The following TMEM130 variants were observed in gnomAD, a reference collection of about 807,000 sequenced individuals.
TMEM130 encodes the protein transmembrane protein 130.
Under a neutral mutation model 42.9 loss-of-function variants are expected in TMEM130, and 37 were observed. The ratio of observed to expected loss-of-function variants is 0.86; its 90% CI spans 0.66 to 1.13. The LOEUF is 1.13. TMEM130 is among the 50% of genes most tolerant of loss of function. The probability of loss-of-function intolerance (pLI) is 0.00; values close to 1 mark genes in which losing one functional copy is unlikely to be tolerated. For missense variants in TMEM130, 545 were observed against 562.6 expected (o/e 0.97, Z 0.32); for synonymous variants, 259 against 237.7 (o/e 1.09, Z -0.82).
chr7:98,869,094 T>C lies in TMEM130; in HGVS notation c.85+683A>G. The C allele has an allele frequency of 1.8e-6, 2 of 1,083,620 alleles. No homozygotes were observed. Among genetic ancestry groups the C allele is most frequent in the Non-Finnish European group, 2.4e-6 (2 of 837,262 alleles). The allele number at this position is 1,083,620 out of a possible 1,614,324, so 67.1% of individuals were successfully genotyped here. A position where few individuals can be genotyped will look rare whatever the true frequency, so the allele number is the denominator to read the frequency against. ...GAATAGTCTTAAATCTGGGTCCTTT[T>C]ATGGTTCCCAAAATGTGGCAGAGAG... On this transcript the variant is annotated intron_variant, in intron 1 of 7. Coordinates refer to ENST00000339375, the MANE Select transcript of TMEM130 (RefSeq NM_152913.3). The surrounding 1 kb of genome is among the most constrained non-coding windows in gnomAD (Gnocchi z 4.7).
At chr7:98,862,960 G>A (rs552984138) in intron 2 of TMEM130, 135 bp downstream of exon 2, 110 of 966,456 alleles carry the variant, frequency 1.1e-4, no homozygotes, top group Admixed American at 2.1e-4. Flanking sequence ...CGACTGACCC[G>A]GGGAAGGAAC....
At chr7:98,859,732 ATTAAT>A (rs1165054772) in intron 3 of TMEM130, among the ~76,000 whole-genome samples, 17 of 149,504 alleles carry the variant, frequency 1.1e-4, no homozygotes, top group African/African-American at 4.2e-4. Flanking sequence ...AAATAAATAA[ATTAAT>A]TAATTAATTA....
Position 98,869,401 on chromosome 7 carries a change from C to A in TMEM130, c.85+376G>T. 1 of 1,196,822 alleles carries A rather than the reference C, an allele frequency of 8.4e-7. No individual in the cohort carries two copies. The highest frequency in any genetic ancestry group is 1.0e-6 in the Non-Finnish European group (1 of 952,642). The allele number at this position is 1,196,822 out of a possible 1,614,324, so 74.1% of individuals were successfully genotyped here. On this transcript the variant is annotated intron_variant, in intron 1 of 7. Coordinates refer to ENST00000339375, the MANE Select transcript of TMEM130 (RefSeq NM_152913.3). The surrounding 1 kb of genome is among the most constrained non-coding windows in gnomAD (Gnocchi z 4.7). ...TCCCTGGGGGACTGGGGAATTGTGG[C>A]GCGATGACGGACCCTGGCGCATCCC...
chr7:98,857,979 T>G (rs1794673790), intron 3 of TMEM130, among the ~76,000 whole-genome samples: 1 of 151,752 alleles, frequency 6.6e-6, no homozygotes. Flanking sequence ...TGACCTCAAG[T>G]GATCCATCCA....
At chr7:98,862,306 A>AAG (rs1554399892) in intron 2 of TMEM130, among the ~76,000 whole-genome samples, 1 of 138,756 alleles carries the variant, frequency 7.2e-6, no homozygotes, top group Non-Finnish European at 1.5e-5. Flanking sequence ...GAAAGAGACA[A>AAG]AGAGACAGAG....
chr7:98,859,354 C>T (rs1295579656), intron 3 of TMEM130, among the ~76,000 whole-genome samples: 1 of 152,146 alleles, frequency 6.6e-6, no homozygotes, highest in East Asian at 1.9e-4. Context: ...ACCTCGTATC[C>T]ACCAAGGGTT....
Position 98,869,646 on chromosome 7 carries a change from G to A in TMEM130, c.85+131C>T, listed in dbSNP as rs1199686164. On this transcript the variant is annotated intron_variant, in intron 1 of 7. Transcript: ENST00000339375. The surrounding 1 kb of genome is among the most constrained non-coding windows in gnomAD (Gnocchi z 4.7). Reference sequence around the variant, plus strand: ...GGGCGCTGCAGTGGCCTCAGCCGAGGAGGGAGATGCGCGCAGGGCGCACGG... The same window carrying A: ...GGGCGCTGCAGTGGCCTCAGCCGAGAAGGGAGATGCGCGCAGGGCGCACGG... 9.9e-6 allele frequency: 7 copies of A among 710,230 alleles called. 1 individual carries two copies. The African/African-American group carries it at 1.1e-4, about 11-fold the overall frequency. 44.0% of individuals were successfully genotyped at this position (710,230 alleles called of 1,614,324 possible). A position where few individuals can be genotyped will look rare whatever the true frequency, so the allele number is the denominator to read the frequency against.
rs57165730 is a variant in TMEM130 at position 98,862,487 on chromosome 7, C to CTTT, written c.391+605_391+607dup. On this transcript the variant is annotated intron_variant, in intron 2 of 7. Coordinates refer to ENST00000339375, the MANE Select transcript of TMEM130 (RefSeq NM_152913.3). ...ACTGGCCCCAAGACTACAATAATTT[C>CTTT]TTTTTTTTTTTTTTTTTTTTTTTTT... Among the ~76,000 whole-genome samples, 94 of 65,790 alleles carry CTTT rather than the reference C, an allele frequency of 1.4e-3. 10 individuals carry two copies. The highest frequency in any genetic ancestry group is 5.0e-3 in the African/African-American group (91 of 18,190). 43.2% of individuals were successfully genotyped at this position (65,790 alleles called of 152,430 possible). A position where few individuals can be genotyped will look rare whatever the true frequency, so the allele number is the denominator to read the frequency against.
In TMEM130 at chr7:98,851,477, G is replaced by A. The variant is rs1554398206; in HGVS notation, c.950C>T (p.Ala317Val). 6.2e-7 allele frequency: 1 copy of A among 1,613,960 alleles called. No individual in the cohort carries two copies. Among genetic ancestry groups the A allele is most frequent in the African/African-American group, 1.3e-5 (1 of 74,864 alleles). ...ATGTGTCTTGCTGATGATATTCTCG[G>A]CCCGGATGCTGAAGCAGTAGTCCCC... ...DPGDYCFSIR[A>V]ENIISKTHQY... The change falls in exon 6 of 8, where the codon GCC (alanine) becomes GTC (valine). Residue 317 changes from alanine (A) to valine (V), a missense_variant. By Grantham distance (64) the Ala-to-Val change is moderately conservative. Coordinates refer to ENST00000339375, the MANE Select transcript of TMEM130 (RefSeq NM_152913.3).
intron 3 of TMEM130, among the ~76,000 whole-genome samples, chr7:98,859,726 A>T (rs575288449): frequency 2.5e-4 from 38 of 150,786 alleles, no homozygotes; most frequent in Middle Eastern, 3.4e-3. Context: ...AAATATAAAT[A>T]AATAAATTAA....
intron 5 of TMEM130, among the ~76,000 whole-genome samples, chr7:98,854,722 G>A (rs1276313365): frequency 6.6e-6 from 1 of 152,102 alleles, no homozygotes; most frequent in Non-Finnish European, 1.5e-5. Flanking sequence ...GGGTGACAGG[G>A]TGAAACTCTG....
At chr7:98,855,014 C>T (rs1293178536) in intron 5 of TMEM130, among the ~76,000 whole-genome samples, 1 of 152,080 alleles carries the variant, frequency 6.6e-6, no homozygotes, top group African/African-American at 2.4e-5. Flanking sequence ...CCAGCCTGGG[C>T]GAAAGAGCGA....
At position 98,860,011 on chromosome 7, in the gene TMEM130, G is replaced by A. The variant is rs542859469; in HGVS notation, c.551+168C>T. Among the ~76,000 whole-genome samples, 304 of 151,744 alleles carry A rather than the reference G, an allele frequency of 2.0e-3. 1 individual carries two copies. Among genetic ancestry groups the A allele is most frequent in the Non-Finnish European group, 3.4e-3 (230 of 67,970 alleles). ...TTGAACCCAGGAGGAAGAGGTTGCA[G>A]TGAGCCAAGATGGTACTACTGCACT... is the stretch of plus-strand genomic sequence containing the variant. On this transcript the variant is annotated intron_variant, in intron 3 of 7. Transcript: ENST00000339375.
Position 98,869,906 on chromosome 7 carries a change from A to C in TMEM130, c.-45T>G, listed in dbSNP as rs1554401132. On this transcript the variant is annotated 5_prime_UTR_variant, in exon 1 of 8. Transcript: ENST00000339375. The surrounding 1 kb of genome is among the most constrained non-coding windows in gnomAD (Gnocchi z 4.7). ...GAAGCGTGGGGCGGACGCGGAGGGAATGCAGCTGGAGCTCGAGAACTGCGG... is the reference window on the plus strand; with the variant it reads ...GAAGCGTGGGGCGGACGCGGAGGGACTGCAGCTGGAGCTCGAGAACTGCGG... 2 of 1,265,810 alleles carry C rather than the reference A, an allele frequency of 1.6e-6. No individual in the cohort carries two copies. Among genetic ancestry groups the C allele is most frequent in the Non-Finnish European group, 2.0e-6 (2 of 992,174 alleles). 78.4% of individuals were successfully genotyped at this position (1,265,810 alleles called of 1,614,324 possible).
chr7:98,848,510 C>A, intron 7 of TMEM130, 73 bp downstream of exon 7: 1 of 1,120,250 alleles, frequency 8.9e-7, no homozygotes, highest in Non-Finnish European at 1.4e-6. Context: ...CCTGGCCTGG[C>A]CCCCATACCC....
intron 5 of TMEM130, among the ~76,000 whole-genome samples, chr7:98,851,981 C>G (rs1794518509): frequency 6.6e-6 from 1 of 152,138 alleles, no homozygotes; most frequent in South Asian, 2.1e-4. Context: ...GGGACTCACT[C>G]TATTACCCAG....
Position 98,869,716 on chromosome 7 carries a change from G to T in TMEM130, c.85+61C>A. On this transcript the variant is annotated intron_variant, in intron 1 of 7. Coordinates refer to ENST00000339375, the MANE Select transcript of TMEM130 (RefSeq NM_152913.3). This position sits in a 1 kb window ranked among gnomAD's most constrained non-coding sequence, Gnocchi z 4.7. ...GCTCCCGGGCCCACTCGCCCGCTGA[G>T]ACGGTTCCAGGCCCCGGGCGGGCTG... The T allele has an allele frequency of 7.9e-7, 1 of 1,258,676 alleles. No homozygotes were observed. Among genetic ancestry groups the T allele is most frequent in the Non-Finnish European group, 1.0e-6 (1 of 973,202 alleles). The allele number at this position is 1,258,676 out of a possible 1,614,324, so 78.0% of individuals were successfully genotyped here.
Position 98,863,180 on chromosome 7 carries a change from T to C in TMEM130, c.306A>G (p.Glu102=). 3 of 1,614,100 alleles carry C rather than the reference T, an allele frequency of 1.9e-6. No individual in the cohort carries two copies. The highest frequency in any genetic ancestry group is 2.5e-6 in the Non-Finnish European group (3 of 1,180,018). ...TIRVVGHVPG[E]FPVSVWVTAA... ...CAGTGACCCAGACAGAGACCGGGAA[T>C]TCCCCGGGCACGTGGCCGACCACAC... Residue 102 remains glutamate (E), a synonymous_variant, in exon 2 of 8, where the codon GAA becomes GAG. Coordinates refer to ENST00000339375, the MANE Select transcript of TMEM130 (RefSeq NM_152913.3).
At chr7:98,868,182 T>C (rs782511887) in intron 1 of TMEM130, among the ~76,000 whole-genome samples, 1 of 152,220 alleles carries the variant, frequency 6.6e-6, no homozygotes, top group Non-Finnish European at 1.5e-5. Flanking sequence ...TGAGCCAAGA[T>C]TGTGCCACTG....
Sources: gnomAD v4.1 joint callset for allele counts (sites outside exome capture counted in the v4.1 genomes callset) on GRCh38, gnomAD v4.1.1 for gene constraint, Gnocchi (gnomAD v3.1) non-coding constraint, MANE v1.5 for transcripts, NCBI Gene and HGNC (gene_info 2026-07-23, HGNC 2026-07-21) for gene names.